The following NOX4 variants were observed in gnomAD, a reference collection of about 807,000 sequenced individuals.
The protein encoded by NOX4 is kidney oxidase-1.
A neutral mutation model predicts 87.6 loss-of-function variants in NOX4; 69 were observed. The observed-to-expected ratio is 0.79, with a 90% CI of 0.65 to 0.96. NOX4 has a LOEUF of 0.96. Ranked by LOEUF, NOX4 falls within the 40% of genes least tolerant of loss-of-function variation. The probability of loss-of-function intolerance (pLI) is 0.00; values close to 1 mark genes in which losing one functional copy is unlikely to be tolerated. For missense variants in NOX4, 680 were observed against 681.5 expected, an observed-to-expected ratio of 1.00 and a Z score of 0.02; for synonymous variants, 275 against 238.2, an observed-to-expected ratio of 1.15 and a Z score of -1.42.
At chr11:89,475,357 G>T (rs537177294) in intron 2 of NOX4, among the ~76,000 whole-genome samples, 3 of 151,774 alleles carry the variant, frequency 2.0e-5, no homozygotes, top group Non-Finnish European at 4.4e-5. Context: ...ATAAGGTAGG[G>T]CAAGTCTTAA....
the NOX4 span, among the ~76,000 whole-genome samples, chr11:89,530,135 G>C: frequency 6.0e-5 from 9 of 149,912 alleles, no homozygotes; most frequent in Non-Finnish European, 1.5e-5. Context: ...GAGCTTAAAT[G>C]ATCTGTGCAA....
chr11:89,420,704 AT>A (rs1943037089), intron 8 of NOX4, among the ~76,000 whole-genome samples: 1 of 152,218 alleles, frequency 6.6e-6, no homozygotes, highest in Non-Finnish European at 1.5e-5. Flanking sequence ...ATTATAAAAC[AT>A]TCTGAAGAAA....
intron 14 of NOX4, among the ~76,000 whole-genome samples, chr11:89,341,124 C>CT (rs994563200): frequency 0.078 from 9,717 of 123,924 alleles, 928 homozygotes; most frequent in African/African-American, 0.2. Context: ...ACAATTTCAC[C>CT]TTTTTTTTTT....
chr11:89,440,487 C>T (rs1944408257), intron 6 of NOX4, among the ~76,000 whole-genome samples: 1 of 151,640 alleles, frequency 6.6e-6, no homozygotes, highest in African/African-American at 2.4e-5. Context: ...CCATGCCCGG[C>T]TAATTTTTTG....
intron 13 of NOX4, among the ~76,000 whole-genome samples, chr11:89,344,798 G>A (rs1946144896): frequency 6.6e-6 from 1 of 152,082 alleles, no homozygotes; most frequent in African/African-American, 2.4e-5. Context: ...ATATTAAGGG[G>A]GGATGACTTT....
the NOX4 span, among the ~76,000 whole-genome samples, chr11:89,570,450 G>T: frequency 2.0e-5 from 3 of 152,076 alleles, no homozygotes; most frequent in African/African-American, 7.3e-5. Context: ...CCTGCAACAT[G>T]CAATTTACCC....
At chr11:89,387,450 C>A (rs979324643) in intron 11 of NOX4, among the ~76,000 whole-genome samples, 4 of 152,098 alleles carry the variant, frequency 2.6e-5, no homozygotes, top group African/African-American at 9.7e-5. Flanking sequence ...CCCTGTCTCC[C>A]TTCACTGACT....
the NOX4 span, chr11:89,545,529 G>T: frequency 2.6e-5 from 4 of 151,900 alleles, no homozygotes; most frequent in African/African-American, 9.7e-5. Flanking sequence ...CCTTTAGTAA[G>T]TTTTTAATAA....
At position 89,485,404 on chromosome 11, in the gene NOX4, A is replaced by AAT. The variant is rs980494434; in HGVS notation, c.153+5052_153+5053dup. On this transcript the variant is annotated intron_variant, in intron 2 of 17. Coordinates refer to ENST00000263317, the MANE Select transcript of NOX4 (RefSeq NM_016931.5). ...TAATATATATAACTAAGACACATTGAATATATATATATAACTAAGACACAT... is the reference window on the plus strand; with the variant it reads ...TAATATATATAACTAAGACACATTGAATATATATATATATAACTAAGACACAT... Among the ~76,000 whole-genome samples the AAT allele has an allele frequency of 4.6e-5, 7 of 151,746 alleles. No homozygotes were observed. In the East Asian group the frequency reaches 5.8e-4, roughly 13 times the overall value.
chr11:89,415,176 G>A (rs558928093), intron 8 of NOX4, among the ~76,000 whole-genome samples: 19 of 152,162 alleles, frequency 1.2e-4, no homozygotes, highest in Non-Finnish European at 2.2e-4. Flanking sequence ...ATTAATGTGT[G>A]TGTGTGTGTA....
chr11:89,352,295 ATGCACCT>A (rs1366049226), intron 13 of NOX4, among the ~76,000 whole-genome samples: 3 of 152,178 alleles, frequency 2.0e-5, no homozygotes, highest in Admixed American at 1.3e-4. Flanking sequence ...CTCATTGACA[ATGCACCT>A]AGTCAACCAA....
the NOX4 span, among the ~76,000 whole-genome samples, chr11:89,572,078 A>G: frequency 6.6e-6 from 1 of 152,200 alleles, no homozygotes; most frequent in South Asian, 2.1e-4. Flanking sequence ...ACCTAAGGCA[A>G]TGTTACACAT....
At chr11:89,365,389 T>C (rs570693949) in intron 12 of NOX4, among the ~76,000 whole-genome samples, 1 of 151,974 alleles carries the variant, frequency 6.6e-6, no homozygotes, top group South Asian at 2.1e-4. Flanking sequence ...CTGGATTTCT[T>C]ATAAAATATA....
the NOX4 span, among the ~76,000 whole-genome samples, chr11:89,559,444 T>C: frequency 2.0e-5 from 3 of 152,130 alleles, no homozygotes; most frequent in African/African-American, 7.2e-5. Flanking sequence ...AAAGACCTGA[T>C]TTGTACTGGT....
the NOX4 span, among the ~76,000 whole-genome samples, chr11:89,567,646 C>T: frequency 0.036 from 5,495 of 152,210 alleles, 147 homozygotes; most frequent in Non-Finnish European, 0.052. Context: ...CTCATGAGAA[C>T]TCACTCACTA....
chr11:89,462,611 C>T (rs980356109), intron 2 of NOX4, among the ~76,000 whole-genome samples: 2 of 152,000 alleles, frequency 1.3e-5, no homozygotes, highest in Admixed American at 6.6e-5. Flanking sequence ...AAAGAAGAGT[C>T]TATTCGATGA....
chr11:89,431,814 C>A (rs1352334512), intron 7 of NOX4, among the ~76,000 whole-genome samples: 3 of 152,106 alleles, frequency 2.0e-5, no homozygotes, highest in Non-Finnish European at 4.4e-5. Context: ...GGATCTAGAA[C>A]TAGAAATACC....
intron 6 of NOX4, among the ~76,000 whole-genome samples, chr11:89,438,802 T>TAA (rs1338848032): frequency 4.0e-5 from 1 of 25,250 alleles, no homozygotes; most frequent in African/African-American, 6.6e-4. Context: ...GTATAATATA[T>TAA]TATATATTAT....
intron 7 of NOX4, 63 bp from the exon 8 acceptor site, chr11:89,422,045 A>C (rs1943113606): frequency 2.3e-6 from 2 of 860,922 alleles, no homozygotes; most frequent in African/African-American, 3.5e-5. Context: ...AAAATATCAA[A>C]AATACCATGT....
Sources: allele counts gnomAD v4.1 joint callset (sites outside exome capture counted in the v4.1 genomes callset), GRCh38; gene constraint gnomAD v4.1.1; transcripts MANE v1.5; gene names NCBI Gene and HGNC (gene_info 2026-07-23, HGNC 2026-07-21).